The following TFF2 variants were observed in gnomAD, a reference collection of about 807,000 sequenced individuals.
The protein encoded by TFF2 is trefoil factor 2.
A neutral mutation model predicts 16.0 loss-of-function variants in TFF2; 19 were observed. The ratio of observed to expected loss-of-function variants is 1.19; its 90% CI spans 0.83 to 1.74. The LOEUF is 1.74. Ranked by LOEUF, TFF2 falls within the 40% of genes most tolerant of loss-of-function variation. The probability of loss-of-function intolerance (pLI) is 0.00; values close to 1 mark genes in which losing one functional copy is unlikely to be tolerated. For missense variants in TFF2, 168 were observed against 166.8 expected (o/e 1.01, Z -0.04); for synonymous variants, 61 against 65.4 (o/e 0.93, Z 0.32).
At chr21:42,348,096 A>G (rs1269812941) in intron 2 of TFF2, among the ~76,000 whole-genome samples, 1 of 152,168 alleles carries the variant, frequency 6.6e-6, no homozygotes, top group African/African-American at 2.4e-5. Flanking sequence ...CTCGTGAACA[A>G]TCCACCATCT....
In TFF2 at chr21:42,350,878, C is replaced by A; in HGVS notation, c.79+1G>T. The A allele has an allele frequency of 6.2e-7, 1 of 1,611,166 alleles. No individual in the cohort carries two copies. Among genetic ancestry groups the A allele is most frequent in the African/African-American group, 1.3e-5 (1 of 74,848 alleles). ...ATAAAAAGACCCTCTCCTTCACTTA[C>A]AGGGTTTCTCACTCCCCGCCAGGGC... On this transcript the variant is annotated splice_donor_variant, in intron 1 of 3. Coordinates refer to ENST00000291526, the MANE Select transcript of TFF2 (RefSeq NM_005423.5). LOFTEE classifies it high-confidence loss of function.
intron 1 of TFF2, chr21:42,350,255 G>T: frequency 8.9e-7 from 1 of 1,119,808 alleles, no homozygotes; most frequent in Non-Finnish European, 1.1e-6. Context: ...AGCCAGGCAT[G>T]GTGGCTCATA....
At chr21:42,349,779 A>T in intron 2 of TFF2, 102 bp downstream of exon 2, 1 of 1,238,584 alleles carries the variant, frequency 8.1e-7, no homozygotes, top group South Asian at 1.5e-5. Flanking sequence ...CTAACCCTAG[A>T]CTAGCAACTG....
In TFF2 at chr21:42,347,635, G is replaced by A. The variant is rs1380143789; in HGVS notation, c.230-3C>T. The stretch of plus-strand genomic sequence containing the variant: ...CTCCATGACGCACTGATCCGACTCT[G>A]CCATGGGACAGGCACAGCACCGAGA... On this transcript the variant is annotated splice_region_variant and splice_polypyrimidine_tract_variant and intron_variant, in intron 2 of 3. Coordinates refer to ENST00000291526, the MANE Select transcript of TFF2 (RefSeq NM_005423.5). 1 of 1,613,780 alleles carries A rather than the reference G, an allele frequency of 6.2e-7. No homozygotes were observed. Among genetic ancestry groups the A allele is most frequent in the Non-Finnish European group, 8.5e-7 (1 of 1,179,982 alleles).
Position 42,350,682 on chromosome 21 carries a change from G to A in TFF2, c.79+197C>T, listed in dbSNP as rs140480031. Among the ~76,000 whole-genome samples, 1,243 of 152,276 alleles carry A rather than the reference G, an allele frequency of 8.2e-3. 14 individuals are homozygous for A. The highest frequency in any genetic ancestry group is 0.014 in the Non-Finnish European group (929 of 67,998). On this transcript the variant is annotated intron_variant, in intron 1 of 3. Coordinates refer to ENST00000291526, the MANE Select transcript of TFF2 (RefSeq NM_005423.5). The stretch of plus-strand genomic sequence containing the variant: ...GACACGGGGCCCGCTGACACCTGCC[G>A]TCACTCAGCCTTTCCCTAGGAGGGA...
intron 3 of TFF2, 133 bp from the exon 4 acceptor site, chr21:42,346,679 G>A (rs912639362): frequency 9.4e-7 from 1 of 1,060,852 alleles, no homozygotes; most frequent in Non-Finnish European, 1.4e-6. Flanking sequence ...TTCCCGGGGA[G>A]GGGGTGTAAA....
At chr21:42,348,559 C>G (rs2052087633) in intron 2 of TFF2, among the ~76,000 whole-genome samples, 1 of 152,178 alleles carries the variant, frequency 6.6e-6, no homozygotes, top group Non-Finnish European at 1.5e-5. Context: ...TGTTGGCTGA[C>G]CTGGGTTACC....
chr21:42,347,198 C>T (rs531822798), intron 3 of TFF2, among the ~76,000 whole-genome samples: 1 of 152,344 alleles, frequency 6.6e-6, no homozygotes, highest in African/African-American at 2.4e-5. Context: ...AAACAGGCAA[C>T]GCCTCTGAAC....
chr21:42,347,923 T>TC (rs921616588), intron 2 of TFF2, among the ~76,000 whole-genome samples: 3 of 151,604 alleles, frequency 2.0e-5, no homozygotes, highest in African/African-American at 7.3e-5. Context: ...AGCTCTGGAG[T>TC]CCCCCGCCTT....
At chr21:42,350,632 C>G (rs1311661070) in intron 1 of TFF2, among the ~76,000 whole-genome samples, 1 of 152,130 alleles carries the variant, frequency 6.6e-6, no homozygotes, top group Non-Finnish European at 1.5e-5. Flanking sequence ...TCCAAGGACC[C>G]TTGGTGGGAA....
Position 42,350,959 on chromosome 21 carries a change from T to C in TFF2, c.-2A>G, listed in dbSNP as rs770371949. On this transcript the variant is annotated 5_prime_UTR_variant, in exon 1 of 4. Transcript: ENST00000291526. Reference sequence around the variant, plus strand: ...GAGCTGGGCGTCTCGCCGTCCCATGTCTAGCTCAGCTGCACCCCAGGGTGG... The same window carrying C: ...GAGCTGGGCGTCTCGCCGTCCCATGCCTAGCTCAGCTGCACCCCAGGGTGG... 2 of 1,613,756 alleles carry C rather than the reference T, an allele frequency of 1.2e-6. No homozygotes were observed. Among genetic ancestry groups the C allele is most frequent in the South Asian group, 2.2e-5 (2 of 90,988 alleles).
intron 1 of TFF2, among the ~76,000 whole-genome samples, chr21:42,350,626 A>G (rs1377781164): frequency 1.3e-5 from 2 of 152,196 alleles, no homozygotes; most frequent in African/African-American, 2.4e-5. Flanking sequence ...TGGGACTCCA[A>G]GGACCCTTGG....
intron 2 of TFF2, 58 bp downstream of exon 2, chr21:42,349,823 G>A: frequency 1.3e-6 from 2 of 1,511,570 alleles, no homozygotes; most frequent in South Asian, 1.2e-5. Flanking sequence ...GGCTCCGCCT[G>A]TGAAGCTGGG....
At position 42,347,502 on chromosome 21, in the gene TFF2, GA is replaced by G. The variant is rs1480717354; in HGVS notation, c.359del (p.Phe120SerfsTer56). ...NFIFEVPWCF[F>X]PKSVEDCHY is the part of the protein sequence containing the mutation. ...CGACGTTACCTTCCACAGACTTCGG[GA>G]AGAAGCACCAGGGCACTTCAAAGAT... On this transcript the variant is annotated frameshift_variant, in exon 3 of 4. Coordinates refer to ENST00000291526, the MANE Select transcript of TFF2 (RefSeq NM_005423.5). LOFTEE classifies it high-confidence loss of function. The G allele has an allele frequency of 6.2e-7, 1 of 1,614,188 alleles. No homozygotes were observed. Among genetic ancestry groups the G allele is most frequent in the South Asian group, 1.1e-5 (1 of 91,084 alleles).
rs144121064 is a variant in TFF2 at position 42,347,628 on chromosome 21, C to G, written c.234G>C (p.Ser78=). ...WCFHPLPKQE[S]DQCVMEVSDR... is the part of the protein sequence containing the mutation. ...CTGAGACCTCCATGACGCACTGATC[C>G]GACTCTGCCATGGGACAGGCACAGC... The change falls in exon 3 of 4, where the codon TCG becomes TCC. Residue 78 remains serine (S), a synonymous_variant. Coordinates refer to ENST00000291526, the MANE Select transcript of TFF2 (RefSeq NM_005423.5). The G allele has an allele frequency of 6.2e-7, 1 of 1,614,014 alleles. No homozygotes were observed. The highest frequency in any genetic ancestry group is 1.1e-5 in the South Asian group (1 of 91,078).
intron 3 of TFF2, 24 bp downstream of exon 3, chr21:42,347,462 C>T (rs1023249031): frequency 1.2e-6 from 2 of 1,613,784 alleles, no homozygotes; most frequent in African/African-American, 1.3e-5. Flanking sequence ...GGGAACCAGA[C>T]AGAGAGTCCC....
At chr21:42,347,671 C>T (rs2052080467) in intron 2 of TFF2, 39 bp from the exon 3 acceptor site, 1 of 1,604,698 alleles carries the variant, frequency 6.2e-7, no homozygotes, top group African/African-American at 1.3e-5. Flanking sequence ...CCCAGTCAGG[C>T]CTGCTGTGCC....
rs1471058748 is a variant in TFF2 at position 42,349,902 on chromosome 21, A to G, written c.208T>C (p.Phe70Leu). The change falls in exon 2 of 4, where the codon TTC (phenylalanine) becomes CTC (leucine). Residue 70 changes from phenylalanine to leucine, a missense_variant. Transcript: ENST00000291526. ...DSSVTGVPWC[F>L]HPLPKQESDQ... ...TTACCTTGCTTTGGGAGGGGGTGGA[A>G]ACACCAGGGGACCCCAGTGACACTG... is the stretch of plus-strand genomic sequence containing the variant. 1 of 1,599,544 alleles carries G rather than the reference A, an allele frequency of 6.3e-7. No individual in the cohort carries two copies. The highest frequency in any genetic ancestry group is 2.2e-5 in the East Asian group (1 of 44,448).
At position 42,346,496 on chromosome 21, in the gene TFF2, C is replaced by T. The variant is rs779070867; in HGVS notation, c.*37G>A. 6.2e-7 allele frequency: 1 copy of T among 1,612,644 alleles called. No individual in the cohort carries two copies. Reference sequence around the variant, plus strand: ...AGTTTCTTCTTTGGTTTCGGAACACCCGGTGAGCCAGATGCATCCTCTGGA... The same window carrying T: ...AGTTTCTTCTTTGGTTTCGGAACACTCGGTGAGCCAGATGCATCCTCTGGA... On this transcript the variant is annotated 3_prime_UTR_variant, in exon 4 of 4. Transcript: ENST00000291526.
Sources: allele counts gnomAD v4.1 joint callset (sites outside exome capture counted in the v4.1 genomes callset), GRCh38; gene constraint gnomAD v4.1.1; transcripts MANE v1.5; gene names NCBI Gene and HGNC (gene_info 2026-07-23, HGNC 2026-07-21).